AGTRAP: variants seen among roughly 807,000 people sequenced by gnomAD.
AGTRAP encodes angiotensin II receptor associated protein, also known as type-1 angiotensin II receptor-associated protein.
A neutral mutation model predicts 15.2 loss-of-function variants in AGTRAP; 7 were observed. That is an observed-to-expected ratio of 0.46 (90% CI 0.26 to 0.87). The LOEUF (loss-of-function observed/expected upper bound fraction) is 0.87. Ranked by LOEUF, AGTRAP falls within the 40% of genes least tolerant of loss-of-function variation. AGTRAP has a pLI of 0.15. For missense variants in AGTRAP, 187 were observed against 213.4 expected, an observed-to-expected ratio of 0.88 and a Z score of 0.77; for synonymous variants, 74 against 89.6, an observed-to-expected ratio of 0.83 and a Z score of 0.98.
Position 11,750,082 on chromosome 1 carries a change from C to A in AGTRAP, c.370C>A (p.Leu124Ile). ...GGELLVHTGF[L>I]GSSQDRSAYQ... is the part of the protein sequence containing the mutation. ...CCATGTCCCCTGTCACCTAGGTTTCCTTGGGTCTTCTCAGGACCGTAGTGC... is the reference window on the plus strand; with the variant it reads ...CCATGTCCCCTGTCACCTAGGTTTCATTGGGTCTTCTCAGGACCGTAGTGC... The change falls in exon 5 of 5, where the codon CTT becomes ATT. Residue 124 changes from leucine (L) to isoleucine (I), a missense_variant. Leu to Ile is a conservative substitution (Grantham distance 5, BLOSUM62 2). Transcript: ENST00000314340. The A allele has an allele frequency of 1.2e-6, 2 of 1,613,760 alleles. No individual in the cohort carries two copies. The highest frequency in any genetic ancestry group is 1.7e-6 in the Non-Finnish European group (2 of 1,179,796).
At chr1:11,739,555 AAAAC>A (rs979086175) in intron 1 of AGTRAP, among the ~76,000 whole-genome samples, 1 of 152,318 alleles carries the variant, frequency 6.6e-6, no homozygotes, top group Middle Eastern at 3.4e-3. Flanking sequence ...CTGTCTCAAA[AAAAC>A]AAACAAAAAC....
chr1:11,745,419 C>A lies in AGTRAP; in HGVS notation c.28-384C>A, dbSNP rs940260366. Among the ~76,000 whole-genome samples, 5 of 152,166 alleles carry A rather than the reference C, an allele frequency of 3.3e-5. No individual in the cohort carries two copies. The highest frequency in any genetic ancestry group is 7.4e-5 in the Non-Finnish European group (5 of 68,022). Reference sequence around the variant, plus strand: ...TTTATGACCTGTACCTTGTGCTGACCTCCTGTCTCATCCTGTGACTTAGAA... The same window carrying A: ...TTTATGACCTGTACCTTGTGCTGACATCCTGTCTCATCCTGTGACTTAGAA... On this transcript the variant is annotated intron_variant, in intron 1 of 4. Coordinates refer to ENST00000314340, the MANE Select transcript of AGTRAP (RefSeq NM_020350.5). The surrounding 1 kb of genome is among the most constrained non-coding windows in gnomAD (Gnocchi z 4.2).
rs1438139419 is a variant in AGTRAP at position 11,744,585 on chromosome 1, C to T, written c.28-1218C>T. On this transcript the variant is annotated intron_variant, in intron 1 of 4. Transcript: ENST00000314340. ...CACCCTCACGTGAGTCCCCACCGCT[C>T]CGCTTCCCATCGAGGCCTCTTCTGA... is the stretch of plus-strand genomic sequence containing the variant. 20 of 715,360 alleles carry T rather than the reference C, an allele frequency of 2.8e-5. No individual in the cohort carries two copies. In the South Asian group the frequency reaches 3.0e-4, roughly 11 times the overall value. 44.3% of individuals were successfully genotyped at this position (715,360 alleles called of 1,614,324 possible).
At chr1:11,743,252 T>C (rs1366487717) in intron 1 of AGTRAP, among the ~76,000 whole-genome samples, 1 of 148,336 alleles carries the variant, frequency 6.7e-6, no homozygotes, top group Non-Finnish European at 1.5e-5. Context: ...TTTCTTTTCT[T>C]TTTTTTTTTT....
chr1:11,736,257 G>A (rs367959116), intron 1 of AGTRAP, 22 bp downstream of exon 1: 105 of 1,603,820 alleles, frequency 6.5e-5, no homozygotes, highest in Non-Finnish European at 8.4e-5. Context: ...CTGGGGGGAG[G>A]GTCCCCTTTG....
intron 1 of AGTRAP, 135 bp downstream of exon 1, chr1:11,736,370 C>T: frequency 2.4e-6 from 3 of 1,253,772 alleles, no homozygotes; most frequent in Non-Finnish European, 2.2e-6. Flanking sequence ...ACAGACCCCA[C>T]GCAAGAAGGA....
chr1:11,744,224 G>C (rs1248347877), intron 1 of AGTRAP, among the ~76,000 whole-genome samples: 1 of 152,196 alleles, frequency 6.6e-6, no homozygotes, highest in African/African-American at 2.4e-5. Context: ...GCAGTGAGCT[G>C]TGATGGCGCC....
At chr1:11,747,652 G>C in intron 3 of AGTRAP, 107 bp downstream of exon 3, 1 of 1,177,268 alleles carries the variant, frequency 8.5e-7, no homozygotes, top group Non-Finnish European at 1.2e-6. Flanking sequence ...CCTCTTCCTT[G>C]GGCCACCACT....
intron 1 of AGTRAP, among the ~76,000 whole-genome samples, chr1:11,736,445 G>A (rs529611537): frequency 6.6e-6 from 1 of 152,324 alleles, no homozygotes; most frequent in East Asian, 1.9e-4. Context: ...GACACTGAGG[G>A]GCCGTGGGAG....
rs17875932 is a variant in AGTRAP, at chr1:11,743,635, C to T, written c.28-2168C>T. On this transcript the variant is annotated intron_variant, in intron 1 of 4. Transcript: ENST00000314340. ...AGGCTGGAGTACAATGGCGCGATCT[C>T]GGCCCACTGCAACCTCTGCCTCCTG... Among the ~76,000 whole-genome samples the T allele has an allele frequency of 9.6e-4, 142 of 147,886 alleles. 1 individual carries two copies. Among genetic ancestry groups the T allele is most frequent in the African/African-American group, 3.2e-3 (128 of 40,038 alleles).
intron 2 of AGTRAP, among the ~76,000 whole-genome samples, chr1:11,747,039 G>C (rs1642181433): frequency 6.6e-6 from 1 of 152,210 alleles, no homozygotes; most frequent in Non-Finnish European, 1.5e-5. Flanking sequence ...AGTAGGGCGA[G>C]GCTGTGTCCG....
intron 1 of AGTRAP, among the ~76,000 whole-genome samples, chr1:11,739,257 A>C (rs1641970013): frequency 6.6e-6 from 1 of 152,206 alleles, no homozygotes; most frequent in African/African-American, 2.4e-5. Context: ...TTAGGGTTAC[A>C]AATTCAGGCT....
Position 11,747,537 on chromosome 1 carries a change from A to G in AGTRAP, c.160A>G (p.Ile54Val). The change falls in exon 3 of 5, where the codon ATA becomes GTA. Residue 54 changes from isoleucine to valine, a missense_variant. Physicochemically the swap from Ile to Val is conservative, Grantham distance 29. Coordinates refer to ENST00000314340, the MANE Select transcript of AGTRAP (RefSeq NM_020350.5). The stretch of plus-strand genomic sequence containing the variant: ...GGCTCAGCGGGACTCCATCGACGCC[A>G]TAAGCATGGTGAGCCAGGGTGGGGG... ...AVAQRDSIDA[I>V]SMFLGGLLAT... 1.9e-6 allele frequency: 3 copies of G among 1,613,914 alleles called. No individual in the cohort carries two copies. Among genetic ancestry groups the G allele is most frequent in the Non-Finnish European group, 2.5e-6 (3 of 1,179,968 alleles).
intron 2 of AGTRAP, chr1:11,746,092 A>G: frequency 2.5e-6 from 4 of 1,602,564 alleles, no homozygotes; most frequent in Non-Finnish European, 2.6e-6. Flanking sequence ...CTGCAGCTTG[A>G]TTTTCACCTT....
At chr1:11,747,071 C>T (rs1278078788) in intron 2 of AGTRAP, among the ~76,000 whole-genome samples, 1 of 152,210 alleles carries the variant, frequency 6.6e-6, no homozygotes, top group Non-Finnish European at 1.5e-5. Context: ...GCCCCTTAGG[C>T]CCTGGTGAAG....
intron 1 of AGTRAP, among the ~76,000 whole-genome samples, chr1:11,744,266 C>A (rs1489627847): frequency 6.6e-6 from 1 of 152,128 alleles, no homozygotes; most frequent in Non-Finnish European, 1.5e-5. Flanking sequence ...CAGAGCAAGA[C>A]CCTGTCTCCA....
Position 11,747,370 on chromosome 1 carries a change from G to C in AGTRAP, c.63-70G>C, listed in dbSNP as rs17875945. 12,994 of 1,422,812 alleles carry C rather than the reference G, an allele frequency of 9.1e-3. 389 individuals carry two copies. The highest frequency in any genetic ancestry group is 0.062 in the East Asian group (2,717 of 43,642). The allele number at this position is 1,422,812 out of a possible 1,614,324, so 88.1% of individuals were successfully genotyped here. A position where few individuals can be genotyped will look rare whatever the true frequency, so the allele number is the denominator to read the frequency against. On this transcript the variant is annotated intron_variant, in intron 2 of 4. Transcript: ENST00000314340. ...ATGTTCTGGGAGGAGGCCCTGAGAC[G>C]CCGGAGCAGGAGGGAGGTGACCTGC...
intron 1 of AGTRAP, among the ~76,000 whole-genome samples, chr1:11,744,803 C>T (rs1400885359): frequency 6.6e-6 from 1 of 152,188 alleles, no homozygotes; most frequent in Non-Finnish European, 1.5e-5. Flanking sequence ...ACTCCATAGG[C>T]AGAGCATCCC....
At chr1:11,741,215 C>T (rs1321298390) in intron 1 of AGTRAP, among the ~76,000 whole-genome samples, 1 of 152,092 alleles carries the variant, frequency 6.6e-6, no homozygotes, top group East Asian at 1.9e-4. Context: ...CCTCAGCCTC[C>T]CCCATCCCTT....
Sources: allele counts gnomAD v4.1 joint callset (sites outside exome capture counted in the v4.1 genomes callset), GRCh38; gene constraint gnomAD v4.1.1; non-coding constraint Gnocchi (gnomAD v3.1); transcripts MANE v1.5; gene names NCBI Gene and HGNC (gene_info 2026-07-23, HGNC 2026-07-21).